The following DPP10 variants were observed in gnomAD, a reference collection of about 807,000 sequenced individuals.
DPP10 encodes inactive dipeptidyl peptidase 10.
In DPP10, 33 loss-of-function variants were observed where a neutral mutation model predicts 120.9. That is an observed-to-expected ratio of 0.27 (90% CI 0.21 to 0.37). DPP10 has a LOEUF of 0.37. Ranked by LOEUF, DPP10 falls within the 10% of genes least tolerant of loss-of-function variation. The pLI is 1.00. For missense variants in DPP10, 816 were observed against 942.8 expected (o/e 0.87, Z 1.76); for synonymous variants, 337 against 326.1 (o/e 1.03, Z -0.36).
chr2:115,568,268 A>T (rs547699130), intron 5 of DPP10, among the ~76,000 whole-genome samples: 2 of 151,958 alleles, frequency 1.3e-5, no homozygotes, highest in Admixed American at 1.3e-4. Flanking sequence ...GCAGATCACG[A>T]GGTCAAGAGA....
At chr2:114,527,183 ATTGT>A (rs574786152) in intron 1 of DPP10, among the ~76,000 whole-genome samples, 53 of 152,242 alleles carry the variant, frequency 3.5e-4, no homozygotes, top group Admixed American at 2.9e-3. Context: ...GAGTTTATTG[ATTGT>A]TTGTGACTAG....
At chr2:114,850,240 T>A (rs1381056619) in intron 1 of DPP10, among the ~76,000 whole-genome samples, 1 of 152,052 alleles carries the variant, frequency 6.6e-6, no homozygotes, top group Non-Finnish European at 1.5e-5. Context: ...TTGCCCAGGC[T>A]GGTCTCAAAC....
Position 114,966,812 on chromosome 2 carries a change from C to G in DPP10, c.61-342427C>G, listed in dbSNP as rs575734153. 3.9e-5 allele frequency among the ~76,000 whole-genome samples: 6 copies of G among 152,304 alleles called. No individual in the cohort carries two copies. The East Asian group carries it at 1.2e-3, about 29-fold the overall frequency. On this transcript the variant is annotated intron_variant, in intron 1 of 25. Transcript: ENST00000410059. The stretch of plus-strand genomic sequence containing the variant: ...ATCCCAGCACTTTGGGAGGCCATGG[C>G]AGGTGGGTCACTTGAGGTCAGGAGT...
rs576518359 is a variant in DPP10, at chr2:114,584,243, C to T, written c.60+141405C>T. Among the ~76,000 whole-genome samples, 10 of 152,164 alleles carry T rather than the reference C, an allele frequency of 6.6e-5. No homozygotes were observed. The South Asian group carries it at 2.1e-3, about 32-fold the overall frequency. On this transcript the variant is annotated intron_variant, in intron 1 of 25. Transcript: ENST00000410059. ...TGTGCATGTATGTGTAGTTTCTTCT[C>T]TTTTTGTAGTTAGTGAAAAGAATTT...
chr2:114,978,639 A>C (rs191955409), intron 1 of DPP10, among the ~76,000 whole-genome samples: 2 of 152,206 alleles, frequency 1.3e-5, no homozygotes, highest in Admixed American at 6.5e-5. Flanking sequence ...GTGTCTTGTG[A>C]TAATAATAGA....
intron 1 of DPP10, among the ~76,000 whole-genome samples, chr2:114,776,114 G>A (rs924848232): frequency 3.3e-5 from 5 of 152,156 alleles, no homozygotes; most frequent in Non-Finnish European, 5.9e-5. Flanking sequence ...CTGATTTTTA[G>A]ATATAGCTCT....
At chr2:114,787,216 C>G (rs976285711) in intron 1 of DPP10, among the ~76,000 whole-genome samples, 6 of 152,132 alleles carry the variant, frequency 3.9e-5, no homozygotes, top group Admixed American at 1.3e-4. Context: ...TCCAGCCTTG[C>G]AAATATCAGA....
chr2:114,502,701 A>G (rs1683304603), intron 1 of DPP10, among the ~76,000 whole-genome samples: 1 of 152,132 alleles, frequency 6.6e-6, no homozygotes, highest in African/African-American at 2.4e-5. Context: ...CACACATTCT[A>G]CCATGTGGTA....
At chr2:115,337,412 A>T (rs1024126017) in intron 2 of DPP10, among the ~76,000 whole-genome samples, 1 of 152,076 alleles carries the variant, frequency 6.6e-6, no homozygotes, top group East Asian at 1.9e-4. Context: ...AGAGAAAAGG[A>T]AAGAAAACTT....
At chr2:114,909,686 T>C (rs1694221103) in intron 1 of DPP10, among the ~76,000 whole-genome samples, 1 of 152,068 alleles carries the variant, frequency 6.6e-6, no homozygotes, top group Non-Finnish European at 1.5e-5. Flanking sequence ...ATTCACAAGA[T>C]TTTTGTGCCT....
chr2:115,721,408 G>A (rs984894960), intron 7 of DPP10, among the ~76,000 whole-genome samples: 2 of 152,050 alleles, frequency 1.3e-5, no homozygotes, highest in Non-Finnish European at 2.9e-5. Context: ...TTAACCTTTA[G>A]AGCAACCATA....
intron 21 of DPP10, among the ~76,000 whole-genome samples, chr2:115,824,560 G>A (rs570294589): frequency 6.6e-6 from 1 of 152,224 alleles, no homozygotes; most frequent in East Asian, 1.9e-4. Flanking sequence ...TTATGAGTGA[G>A]AACATGCAGT....
chr2:115,535,702 G>A (rs2078782281), intron 5 of DPP10, among the ~76,000 whole-genome samples: 1 of 150,890 alleles, frequency 6.6e-6, no homozygotes, highest in Non-Finnish European at 1.5e-5. Flanking sequence ...ATTACCTTGG[G>A]CAGTATGGCC....
intron 21 of DPP10, among the ~76,000 whole-genome samples, chr2:115,827,183 A>G (rs1194059673): frequency 1.3e-5 from 2 of 151,512 alleles, no homozygotes; most frequent in Non-Finnish European, 2.9e-5. Flanking sequence ...CTTATAATGT[A>G]TATTTTTAAC....
intron 1 of DPP10, among the ~76,000 whole-genome samples, chr2:115,104,700 G>A (rs2048862453): frequency 6.6e-6 from 1 of 152,064 alleles, no homozygotes; most frequent in East Asian, 1.9e-4. Flanking sequence ...CTTCTCTTAT[G>A]TTATGTAGGA....
chr2:114,634,261 C>G (rs1695148479), intron 1 of DPP10, among the ~76,000 whole-genome samples: 1 of 151,790 alleles, frequency 6.6e-6, no homozygotes, highest in African/African-American at 2.4e-5. Context: ...ATATGAAAAG[C>G]TTTTACATAG....
intron 5 of DPP10, among the ~76,000 whole-genome samples, chr2:115,544,673 G>T (rs1318636256): frequency 1.3e-5 from 2 of 151,948 alleles, no homozygotes; most frequent in South Asian, 2.1e-4. Context: ...GCTAAATCAG[G>T]CCACTTGAAT....
At chr2:114,654,609 A>G (rs1696836500) in intron 1 of DPP10, among the ~76,000 whole-genome samples, 1 of 152,174 alleles carries the variant, frequency 6.6e-6, no homozygotes, top group Non-Finnish European at 1.5e-5. Context: ...AAAATCAACT[A>G]ATATTTTAAA....
At chr2:115,529,860 CA>C (rs2078357683) in intron 5 of DPP10, among the ~76,000 whole-genome samples, 1 of 152,098 alleles carries the variant, frequency 6.6e-6, no homozygotes, top group African/African-American at 2.4e-5. Context: ...TCTCTAAACA[CA>C]GAAACTGAAA....
Sources: gnomAD v4.1 joint callset for allele counts (sites outside exome capture counted in the v4.1 genomes callset) on GRCh38, gnomAD v4.1.1 for gene constraint, MANE v1.5 for transcripts, NCBI Gene and HGNC (gene_info 2026-07-23, HGNC 2026-07-21) for gene names.